Variants in ZNF19 observed in about 807,000 individuals in gnomAD.
ZNF19 encodes the protein zinc finger protein 19 (KOX 12).
Under a neutral mutation model 13.1 loss-of-function variants are expected in ZNF19, and 11 were observed. That is an observed-to-expected ratio of 0.84 (90% CI 0.53 to 1.39). The LOEUF is 1.39. Ranked by LOEUF, ZNF19 falls within the 40% of genes most tolerant of loss-of-function variation. The pLI, the probability that ZNF19 is intolerant of heterozygous loss-of-function variation, is 0.00. For missense variants in ZNF19, 560 were observed against 547.0 expected (o/e 1.02, Z -0.24); for synonymous variants, 186 against 187.0 (o/e 0.99, Z 0.04).
At chr16:71,476,392 G>T (rs1383518159) in intron 5 of ZNF19, 120 bp from the exon 6 acceptor site, 2 of 1,203,544 alleles carry the variant, frequency 1.7e-6, no homozygotes, top group Non-Finnish European at 2.2e-6. Flanking sequence ...CAGCATGCTG[G>T]GAAGAAAAGG....
chr16:71,485,866 C>A (rs2145173654), intron 1 of ZNF19, among the ~76,000 whole-genome samples: 1 of 152,170 alleles, frequency 6.6e-6, no homozygotes, highest in Middle Eastern at 3.4e-3. Context: ...TTTTCATCTC[C>A]CCAAAGGAAC....
chr16:71,476,316 T>A, intron 5 of ZNF19, 44 bp from the exon 6 acceptor site: 1 of 1,546,444 alleles, frequency 6.5e-7, no homozygotes, highest in Non-Finnish European at 8.7e-7. Context: ...ACCTGAGAAC[T>A]ATACTAGAAA....
intron 3 of ZNF19, among the ~76,000 whole-genome samples, chr16:71,481,866 G>A (rs2043638981): frequency 6.6e-6 from 1 of 152,202 alleles, no homozygotes; most frequent in Non-Finnish European, 1.5e-5. Flanking sequence ...GAGATTCTCA[G>A]TATTCAGGAG....
At chr16:71,488,362 AAAAAAAAAAAAG>A (rs1168214079) in intron 1 of ZNF19, among the ~76,000 whole-genome samples, 1 of 150,474 alleles carries the variant, frequency 6.6e-6, no homozygotes, top group African/African-American at 2.5e-5. Context: ...TATCTCAAAA[AAAAAAAAAAAAG>A]AAAAAGAAAA....
At chr16:71,478,685 C>CCAAAGTGACCCA in intron 4 of ZNF19, 194 bp downstream of exon 4, 1 of 745,288 alleles carries the variant, frequency 1.3e-6, no homozygotes, top group Non-Finnish European at 2.2e-6. Flanking sequence ...CATTGGGAGA[C>CCAAAGTGACCCA]CAAAGTGACC....
At chr16:71,476,850 C>T (rs2043605898) in intron 5 of ZNF19, among the ~76,000 whole-genome samples, 1 of 152,160 alleles carries the variant, frequency 6.6e-6, no homozygotes, top group African/African-American at 2.4e-5. Flanking sequence ...TTACCTAGTT[C>T]AGAGGTTCTT....
At position 71,484,593 on chromosome 16, in the gene ZNF19, G is replaced by A; in HGVS notation, c.-34C>T. On this transcript the variant is annotated 5_prime_UTR_variant, in exon 2 of 6. Coordinates refer to ENST00000288177, the MANE Select transcript of ZNF19 (RefSeq NM_006961.4). The stretch of plus-strand genomic sequence containing the variant: ...GCGACAAACCCCAACACTCACCTCA[G>A]GAAAAACAGAAAGCGGTGCGTGAAC... The A allele has an allele frequency of 1.0e-6, 1 of 985,466 alleles. No homozygotes were observed. The highest frequency in any genetic ancestry group is 1.2e-6 in the Non-Finnish European group (1 of 829,960). 61.0% of individuals were successfully genotyped at this position (985,466 alleles called of 1,614,324 possible). A position where few individuals can be genotyped will look rare whatever the true frequency, so the allele number is the denominator to read the frequency against.
At position 71,482,105 on chromosome 16, in the gene ZNF19, T is replaced by G; in HGVS notation, c.10A>C (p.Met4Leu). 2 of 1,614,162 alleles carry G rather than the reference T, an allele frequency of 1.2e-6. No homozygotes were observed. Among genetic ancestry groups the G allele is most frequent in the Non-Finnish European group, 1.7e-6 (2 of 1,180,020 alleles). The change falls in exon 3 of 6, where the codon ATG becomes CTG. Residue 4 changes from methionine (M) to leucine (L), a missense_variant. Transcript: ENST00000288177. The stretch of plus-strand genomic sequence containing the variant: ...ACCTGGTATTGAGCTTTCAGAGGCA[T>G]GGCTGCCATGACCTGGTCTCCCTCT... MAA[M>L]PLKAQYQEMV...
chr16:71,484,389 A>C (rs1301511947), intron 2 of ZNF19, among the ~76,000 whole-genome samples, 200 bp downstream of exon 2: 1 of 152,176 alleles, frequency 6.6e-6, no homozygotes. Flanking sequence ...CCATTTCCCA[A>C]GGCGCCGATG....
At chr16:71,479,434 T>A (rs1567570160) in intron 3 of ZNF19, among the ~76,000 whole-genome samples, 1 of 152,186 alleles carries the variant, frequency 6.6e-6, no homozygotes, top group Non-Finnish European at 1.5e-5. Flanking sequence ...CCAATCTATC[T>A]GTTCCCCACA....
intron 1 of ZNF19, among the ~76,000 whole-genome samples, chr16:71,485,507 T>A (rs1597016815): frequency 7.0e-6 from 1 of 142,878 alleles, no homozygotes; most frequent in African/African-American, 2.6e-5. Flanking sequence ...AGACCAGGTC[T>A]AAGGAGGGAT....
chr16:71,485,119 C>T (rs1236252025), intron 1 of ZNF19, among the ~76,000 whole-genome samples: 1 of 152,106 alleles, frequency 6.6e-6, no homozygotes, highest in East Asian at 1.9e-4. Context: ...AAAAAGCTGT[C>T]CTCCTTAGAG....
intron 1 of ZNF19, among the ~76,000 whole-genome samples, chr16:71,486,302 A>C (rs1160163244): frequency 2.0e-5 from 3 of 152,006 alleles, no homozygotes; most frequent in Non-Finnish European, 4.4e-5. Flanking sequence ...TCAAGGCTGC[A>C]GTGAGCCTTG....
At chr16:71,487,096 T>A (rs76712118) in intron 1 of ZNF19, 1 of 152,188 alleles carries the variant, frequency 6.6e-6, no homozygotes, top group Non-Finnish European at 1.5e-5. Flanking sequence ...TCCCAGCCAA[T>A]GTATCACCTC....
intron 4 of ZNF19, 38 bp from the exon 5 acceptor site, chr16:71,478,379 A>G (rs1567569869): frequency 6.8e-7 from 1 of 1,464,018 alleles, no homozygotes; most frequent in South Asian, 1.2e-5. Flanking sequence ...TCAGCCCTGT[A>G]TCTGCTGTGT....
At chr16:71,476,325 A>C (rs1055294841) in intron 5 of ZNF19, 53 bp from the exon 6 acceptor site, 6 of 1,517,354 alleles carry the variant, frequency 4.0e-6, no homozygotes, top group Non-Finnish European at 5.3e-6. Flanking sequence ...CTATACTAGA[A>C]ATAATAGAGC....
At chr16:71,482,193 G>A (rs187733326) in intron 2 of ZNF19, 50 bp from the exon 3 acceptor site, 612 of 1,576,938 alleles carry the variant, frequency 3.9e-4, no homozygotes, top group Admixed American at 6.2e-4. Flanking sequence ...CCAGTAAAAT[G>A]CTCTCTTTAG....
chr16:71,483,635 G>A (rs535239208), intron 2 of ZNF19, among the ~76,000 whole-genome samples: 29 of 152,244 alleles, frequency 1.9e-4, no homozygotes, highest in African/African-American at 6.7e-4. Flanking sequence ...GACCAGGTCA[G>A]GTGTCTCTGT....
rs1180621501 is a variant in ZNF19 at position 71,475,864 on chromosome 16, T to C, written c.683A>G (p.Asp228Gly). 7 of 1,613,150 alleles carry C rather than the reference T, an allele frequency of 4.3e-6. No homozygotes were observed. The highest frequency in any genetic ancestry group is 1.3e-5 in the African/African-American group (1 of 74,772). The change falls in exon 6 of 6, where the codon GAT becomes GGT. Residue 228 changes from aspartate to glycine, a missense_variant. Asp to Gly is a moderately conservative substitution (Grantham distance 94). Coordinates refer to ENST00000288177, the MANE Select transcript of ZNF19 (RefSeq NM_006961.4). ...QCEECGRAFN[D>G]NANLIRHQRI... Reference sequence around the variant, plus strand: ...CTGATGCCTGATCAGATTTGCATTATCATTAAAGGCTCGCCCACACTCCTC... The same window carrying C: ...CTGATGCCTGATCAGATTTGCATTACCATTAAAGGCTCGCCCACACTCCTC...
Sources: gnomAD v4.1 joint callset for allele counts (sites outside exome capture counted in the v4.1 genomes callset) on GRCh38, gnomAD v4.1.1 for gene constraint, MANE v1.5 for transcripts, NCBI Gene and HGNC (gene_info 2026-07-23, HGNC 2026-07-21) for gene names.